Variants in NCOA5 observed in about 807,000 individuals in gnomAD.
The protein encoded by NCOA5 is nuclear receptor coactivator 5, also known as NCoA-5.
A neutral mutation model predicts 59.0 loss-of-function variants in NCOA5; 12 were observed. The observed-to-expected ratio is 0.20, with a 90% CI of 0.13 to 0.33. The LOEUF is 0.33. Among genes scored for constraint, NCOA5 ranks in the 10% least tolerant of loss-of-function variants. The probability of loss-of-function intolerance (pLI) is 1.00; values close to 1 mark genes in which losing one functional copy is unlikely to be tolerated. For synonymous variants in NCOA5, 270 were observed against 275.5 expected, an observed-to-expected ratio of 0.98 and a Z score of 0.20; for missense variants, 655 against 766.6, an observed-to-expected ratio of 0.85 and a Z score of 1.72.
intron 6 of NCOA5, among the ~76,000 whole-genome samples, chr20:46,063,992 G>T (rs2084795573): frequency 6.6e-6 from 1 of 152,202 alleles, no homozygotes; most frequent in Admixed American, 6.5e-5. Context: ...ACCACGTGGG[G>T]AACAGCCATG....
intron 2 of NCOA5, among the ~76,000 whole-genome samples, chr20:46,073,181 G>A (rs765650544): frequency 4.0e-5 from 6 of 151,714 alleles, no homozygotes; most frequent in East Asian, 1.9e-4. Flanking sequence ...TACTTTTGTC[G>A]TCTACCATGG....
At chr20:46,086,427 A>G (rs2085046146) in intron 1 of NCOA5, among the ~76,000 whole-genome samples, 1 of 152,204 alleles carries the variant, frequency 6.6e-6, no homozygotes, top group Non-Finnish European at 1.5e-5. Flanking sequence ...TGGTGGTAAC[A>G]AAACCACCAT....
chr20:46,065,248 C>A lies in NCOA5; in HGVS notation c.630-20G>T. On this transcript the variant is annotated intron_variant, in intron 5 of 7. Transcript: ENST00000290231. The stretch of plus-strand genomic sequence containing the variant: ...TAGTCTCTGTAAAAATAAATAAGAT[C>A]CAGGTGAGCGACCAACTCCAAATCT... 2 of 1,613,458 alleles carry A rather than the reference C, an allele frequency of 1.2e-6. No homozygotes were observed. Among genetic ancestry groups the A allele is most frequent in the Non-Finnish European group, 1.7e-6 (2 of 1,179,416 alleles).
intron 2 of NCOA5, among the ~76,000 whole-genome samples, chr20:46,072,594 T>C (rs2084893898): frequency 6.6e-6 from 1 of 152,174 alleles, no homozygotes; most frequent in African/African-American, 2.4e-5. Flanking sequence ...TGTCACACCC[T>C]CTCCCTAGTT....
chr20:46,081,930 A>G (rs540902945), intron 1 of NCOA5, among the ~76,000 whole-genome samples: 93 of 152,306 alleles, frequency 6.1e-4, no homozygotes, highest in Non-Finnish European at 1.1e-3. Flanking sequence ...TGGGAAATCC[A>G]TGAGTTCAGA....
intron 1 of NCOA5, among the ~76,000 whole-genome samples, chr20:46,083,350 G>C (rs1046594272): frequency 6.6e-6 from 1 of 152,158 alleles, no homozygotes; most frequent in African/African-American, 2.4e-5. Flanking sequence ...CACAAGAAAA[G>C]TAACTCTGAA....
At position 46,066,471 on chromosome 20, in the gene NCOA5, A is replaced by C. The variant is rs551775155; in HGVS notation, c.629+584T>G. The stretch of plus-strand genomic sequence containing the variant: ...TTGACCAGCGGCTACACCCTCTTCC[A>C]CTCTCAGTCTGCATGGTTCCACAGG... On this transcript the variant is annotated intron_variant, in intron 5 of 7. Transcript: ENST00000290231. 2.6e-5 allele frequency among the ~76,000 whole-genome samples: 4 copies of C among 151,928 alleles called. No homozygotes were observed. The South Asian group carries it at 8.3e-4, about 32-fold the overall frequency.
rs764114163 is a variant in NCOA5 at position 46,062,756 on chromosome 20, C to A, written c.1284G>T (p.Gln428His). Residue 428 changes from glutamine to histidine, a missense_variant, in exon 8 of 8, where the codon CAG (glutamine) becomes CAT (histidine). Gln to His is a conservative substitution (Grantham distance 24). Coordinates refer to ENST00000290231, the MANE Select transcript of NCOA5 (RefSeq NM_020967.3). The part of the protein sequence containing the change: ...TPTPSAPPTS[Q>H]QELQAKILSL... ...TGAGGATTTTGGCCTGAAGCTCTTG[C>A]TGGGAGGTGGGGGGTGCAGATGGAG... is the stretch of plus-strand genomic sequence containing the variant. 2 of 1,609,338 alleles carry A rather than the reference C, an allele frequency of 1.2e-6. No individual in the cohort carries two copies. Among genetic ancestry groups the A allele is most frequent in the Non-Finnish European group, 1.7e-6 (2 of 1,177,134 alleles).
At chr20:46,070,629 A>G in intron 2 of NCOA5, 93 bp from the exon 3 acceptor site, 1 of 1,219,234 alleles carries the variant, frequency 8.2e-7, no homozygotes, top group Non-Finnish European at 1.2e-6. Context: ...CCCTCCAAGC[A>G]TTCTTCTCTA....
At chr20:46,065,545 C>T (rs1042924920) in intron 5 of NCOA5, among the ~76,000 whole-genome samples, 3 of 152,160 alleles carry the variant, frequency 2.0e-5, no homozygotes, top group Admixed American at 6.5e-5. Context: ...TTTGGGTAGG[C>T]TGCACAACAC....
Position 46,068,558 on chromosome 20 carries a change from C to CTTA in NCOA5, c.445_446insTAA (p.Tyr148_Arg149insIle). On this transcript the variant is annotated inframe_insertion, in exon 4 of 8. Coordinates refer to ENST00000290231, the MANE Select transcript of NCOA5 (RefSeq NM_020967.3). ...AGGGCCCCGTCCATCAAAGCTATCT[C>CTTA]TGTAACGGTCAAAATAAGAGTCATC... is the stretch of plus-strand genomic sequence containing the variant. 1 of 1,613,842 alleles carries CTTA rather than the reference C, an allele frequency of 6.2e-7. No homozygotes were observed. The highest frequency in any genetic ancestry group is 1.1e-5 in the South Asian group (1 of 90,976).
chr20:46,076,788 G>T (rs2084942806), intron 2 of NCOA5, among the ~76,000 whole-genome samples: 2 of 152,112 alleles, frequency 1.3e-5, no homozygotes, highest in African/African-American at 4.8e-5. Context: ...CCTGTTGATT[G>T]TAAATAAAGC....
intron 2 of NCOA5, among the ~76,000 whole-genome samples, chr20:46,073,598 A>T (rs551886995): frequency 7.2e-5 from 11 of 152,296 alleles, no homozygotes; most frequent in Admixed American, 4.6e-4. Context: ...GAGCAGTTAG[A>T]AGTAGTCATT....
chr20:46,067,024 T>C (rs773437634), intron 5 of NCOA5, 31 bp downstream of exon 5: 1 of 1,609,438 alleles, frequency 6.2e-7, no homozygotes, highest in Non-Finnish European at 8.5e-7. Context: ...ACTCTTCTCC[T>C]TACTGGGGAG....
intron 2 of NCOA5, among the ~76,000 whole-genome samples, chr20:46,078,443 A>G (rs2084960483): frequency 6.6e-6 from 1 of 152,262 alleles, no homozygotes; most frequent in African/African-American, 2.4e-5. Flanking sequence ...AGCACTGTCC[A>G]GTTCACTGTA....
chr20:46,070,171 G>A, intron 3 of NCOA5, 39 bp downstream of exon 3: 1 of 1,523,516 alleles, frequency 6.6e-7, no homozygotes, highest in Non-Finnish European at 9.0e-7. Flanking sequence ...TACATAAAAA[G>A]AACTCAGGAA....
chr20:46,069,847 C>T (rs1428790619), intron 3 of NCOA5, among the ~76,000 whole-genome samples: 1 of 152,084 alleles, frequency 6.6e-6, no homozygotes. Context: ...TCCCTCTTTT[C>T]AATTGTTTTG....
chr20:46,062,297 G>A lies in NCOA5; in HGVS notation c.*3C>T. ...GGACTGGGGAGAGTTGAAAGATTTAGCTTCAGTAATGCCTCTGGTAAGATC... is the reference window on the plus strand; with the variant it reads ...GGACTGGGGAGAGTTGAAAGATTTAACTTCAGTAATGCCTCTGGTAAGATC... On this transcript the variant is annotated 3_prime_UTR_variant, in exon 8 of 8. Coordinates refer to ENST00000290231, the MANE Select transcript of NCOA5 (RefSeq NM_020967.3). 1 of 1,608,256 alleles carries A rather than the reference G, an allele frequency of 6.2e-7. No individual in the cohort carries two copies. Among genetic ancestry groups the A allele is most frequent in the Non-Finnish European group, 8.5e-7 (1 of 1,176,330 alleles).
chr20:46,081,458 T>C (rs566150107), intron 1 of NCOA5, among the ~76,000 whole-genome samples: 4 of 152,258 alleles, frequency 2.6e-5, no homozygotes, highest in South Asian at 2.1e-4. Flanking sequence ...ATGAAGGACA[T>C]AAATATTTTA....
Sources: gnomAD v4.1 joint callset for allele counts (sites outside exome capture counted in the v4.1 genomes callset) on GRCh38, gnomAD v4.1.1 for gene constraint, MANE v1.5 for transcripts, NCBI Gene and HGNC (gene_info 2026-07-23, HGNC 2026-07-21) for gene names.